The following SHANK2 variants were observed in gnomAD, a reference collection of about 807,000 sequenced individuals.
SHANK2 encodes the protein SH3 and multiple ankyrin repeat domains protein 2.
Under a neutral mutation model 133.7 loss-of-function variants are expected in SHANK2, and 43 were observed. The observed-to-expected ratio is 0.32, with a 90% CI of 0.25 to 0.41. The LOEUF (loss-of-function observed/expected upper bound fraction) is 0.41. SHANK2 is among the 10% of genes least tolerant of loss of function. The pLI, the probability that SHANK2 is intolerant of heterozygous loss-of-function variation, is 1.00. For synonymous variants in SHANK2, 1,017 were observed against 952.8 expected, an observed-to-expected ratio of 1.07 and a Z score of -1.24; for missense variants, 1,994 against 2,235.8, an observed-to-expected ratio of 0.89 and a Z score of 2.18.
chr11:70,748,501 T>G (rs1473835726), intron 14 of SHANK2, among the ~76,000 whole-genome samples: 2 of 152,036 alleles, frequency 1.3e-5, no homozygotes, highest in African/African-American at 2.4e-5. Flanking sequence ...CTCCCTAGAA[T>G]CAGGGAGGGC....
At chr11:71,228,166 A>G (rs1276221934) in intron 1 of SHANK2, among the ~76,000 whole-genome samples, 3 of 152,224 alleles carry the variant, frequency 2.0e-5, no homozygotes, top group African/African-American at 7.2e-5. Flanking sequence ...GAAATAAAGC[A>G]ATTATTCAAG....
At position 70,623,170 on chromosome 11, in the gene SHANK2, C is replaced by T. The variant is rs187909118; in HGVS notation, c.2061+36658G>A. 6.4e-3 allele frequency among the ~76,000 whole-genome samples: 957 copies of T among 150,276 alleles called. 7 individuals are homozygous for T. Among genetic ancestry groups the T allele is most frequent in the Non-Finnish European group, 7.4e-3 (502 of 67,538 alleles). On this transcript the variant is annotated intron_variant, in intron 17 of 25. Coordinates refer to ENST00000601538, the MANE Select transcript of SHANK2 (RefSeq NM_012309.5). ...CAGCCTGAGTGACAGAGCGAGATTT[C>T]GTCTCAATCAAAAAAAAAAAAAATT...
chr11:71,232,404 G>T (rs1311171409), intron 1 of SHANK2, among the ~76,000 whole-genome samples: 2 of 152,102 alleles, frequency 1.3e-5, no homozygotes, highest in Non-Finnish European at 2.9e-5. Flanking sequence ...TCTTACAACT[G>T]CAATCATCTT....
chr11:70,696,902 C>T (rs1159493694), intron 15 of SHANK2, among the ~76,000 whole-genome samples: 4 of 152,138 alleles, frequency 2.6e-5, no homozygotes, highest in Admixed American at 6.5e-5. Flanking sequence ...AAATGTGGTC[C>T]GTCCATACAA....
chr11:71,139,695 T>C (rs1555105428), intron 3 of SHANK2, among the ~76,000 whole-genome samples: 1 of 152,148 alleles, frequency 6.6e-6, no homozygotes, highest in East Asian at 1.9e-4. Context: ...CACTGTGCAT[T>C]TGAGAGGATG....
chr11:70,949,405 C>G (rs1555086056), intron 10 of SHANK2, among the ~76,000 whole-genome samples: 1 of 152,232 alleles, frequency 6.6e-6, no homozygotes. Context: ...CTGGGCTGCA[C>G]AAGCTCAGAG....
chr11:71,064,390 G>A lies in SHANK2; in HGVS notation c.1030-7832C>T, dbSNP rs923634918. Among the ~76,000 whole-genome samples, 8 of 152,324 alleles carry A rather than the reference G, an allele frequency of 5.3e-5. No individual in the cohort carries two copies. In the East Asian group the frequency reaches 5.8e-4, roughly 11 times the overall value. On this transcript the variant is annotated intron_variant, in intron 9 of 25. Transcript: ENST00000601538. ...CCACCCCAGCAGAGCACCAAGAACC[G>A]AAGTAGAAACCGGCAAGGGGCCGGG...
intron 2 of SHANK2, among the ~76,000 whole-genome samples, chr11:71,194,629 T>C (rs1457438302): frequency 6.6e-6 from 1 of 152,122 alleles, no homozygotes; most frequent in African/African-American, 2.4e-5. Context: ...ACTGAGGAAA[T>C]GGCCACATGT....
At chr11:70,761,271 G>T (rs1555040149) in intron 14 of SHANK2, among the ~76,000 whole-genome samples, 1 of 152,158 alleles carries the variant, frequency 6.6e-6, no homozygotes, top group African/African-American at 2.4e-5. Flanking sequence ...CTTACTAGGA[G>T]AGATAAGAGA....
intron 2 of SHANK2, among the ~76,000 whole-genome samples, chr11:71,221,746 T>A (rs1485261749): frequency 1.3e-5 from 2 of 152,062 alleles, no homozygotes; most frequent in Non-Finnish European, 2.9e-5. Context: ...ATTTTCCAGT[T>A]TTTTTCTGAG....
intron 17 of SHANK2, among the ~76,000 whole-genome samples, chr11:70,578,189 G>A (rs1041358146): frequency 2.6e-5 from 4 of 152,178 alleles, no homozygotes; most frequent in African/African-American, 4.8e-5. Flanking sequence ...ACAGGGAAGC[G>A]GCCTACAGAT....
chr11:71,152,113 CTTTG>C (rs1475082036), intron 2 of SHANK2, among the ~76,000 whole-genome samples: 12 of 152,076 alleles, frequency 7.9e-5, no homozygotes, highest in Non-Finnish European at 1.3e-4. Flanking sequence ...TGGAAATTCA[CTTTG>C]TTTGTTTTTT....
rs547354842 is a variant in SHANK2, at chr11:70,942,405, C to T, written c.1108-45838G>A. On this transcript the variant is annotated intron_variant, in intron 10 of 25. Transcript: ENST00000601538. ...CCATTCTTATGGGAACAAACCCATT[C>T]CCATGAGGACTAATCCCATCTAGAG... Among the ~76,000 whole-genome samples, 180 of 152,224 alleles carry T rather than the reference C, an allele frequency of 1.2e-3. 1 individual carries two copies. Among genetic ancestry groups the T allele is most frequent in the African/African-American group, 4.2e-3 (174 of 41,534 alleles).
At chr11:71,242,909 G>T (rs559747454) in intron 1 of SHANK2, among the ~76,000 whole-genome samples, 1 of 152,160 alleles carries the variant, frequency 6.6e-6, no homozygotes, top group Admixed American at 6.5e-5. Flanking sequence ...AATGAAATTC[G>T]AAATTTATTT....
chr11:71,218,545 G>A (rs1187575359), intron 2 of SHANK2, among the ~76,000 whole-genome samples: 2 of 152,162 alleles, frequency 1.3e-5, no homozygotes, highest in Admixed American at 1.3e-4. Flanking sequence ...TTACAGGTGT[G>A]AGCCCCCGGG....
chr11:70,596,099 C>G (rs1034838767), intron 17 of SHANK2, among the ~76,000 whole-genome samples: 1 of 152,214 alleles, frequency 6.6e-6, no homozygotes, highest in African/African-American at 2.4e-5. Context: ...CAGCTGACAC[C>G]TTGGTTTCAG....
At chr11:71,140,758 C>T (rs2135380548) in intron 3 of SHANK2, among the ~76,000 whole-genome samples, 1 of 152,236 alleles carries the variant, frequency 6.6e-6, no homozygotes, top group South Asian at 2.1e-4. Flanking sequence ...TTCAGACCCT[C>T]GCCCAAAAGT....
At chr11:71,217,166 C>G (rs1398575238) in intron 2 of SHANK2, among the ~76,000 whole-genome samples, 1 of 151,336 alleles carries the variant, frequency 6.6e-6, no homozygotes, top group East Asian at 2.0e-4. Flanking sequence ...CATTGCACTC[C>G]AGCCTGGGTG....
chr11:71,109,993 G>A lies in SHANK2; in HGVS notation c.540C>T (p.Thr180=), dbSNP rs782412069. The A allele has an allele frequency of 1.3e-6, 2 of 1,551,592 alleles. No individual in the cohort carries two copies. Among genetic ancestry groups the A allele is most frequent in the Non-Finnish European group, 1.7e-6 (2 of 1,146,958 alleles). ...GATCCAGGCCTCGGTCCAGCATCTT[G>A]GTGATCTTCTCCACCAAGCGATGCT... ...HIQHRLVEKI[T]KMLDRGLDPN... is the part of the protein sequence containing the mutation. The change falls in exon 6 of 26, where the codon ACC becomes ACT. Residue 180 remains threonine (T), a synonymous_variant. Coordinates refer to ENST00000601538, the MANE Select transcript of SHANK2 (RefSeq NM_012309.5).
Sources: gnomAD v4.1 joint callset for allele counts (sites outside exome capture counted in the v4.1 genomes callset) on GRCh38, gnomAD v4.1.1 for gene constraint, MANE v1.5 for transcripts, NCBI Gene and HGNC (gene_info 2026-07-23, HGNC 2026-07-21) for gene names.